The following SLC71A2 variants were observed in gnomAD, a reference collection of about 807,000 sequenced individuals.
The protein encoded by SLC71A2 is hippocampus abundant transcript-like 1.
chr9:94,460,621 G>C, the SLC71A2 span: 2 of 152,436 alleles, frequency 1.3e-5, no homozygotes, highest in African/African-American at 4.8e-5. Flanking sequence ...ACCTTTAACA[G>C]AGCACCCCTT....
chr9:94,408,307 AC>A, the SLC71A2 span, among the ~76,000 whole-genome samples: 1 of 152,180 alleles, frequency 6.6e-6, no homozygotes, highest in Admixed American at 6.5e-5. Flanking sequence ...TTGAGACTTA[AC>A]CCCTTTGTAA....
the SLC71A2 span, chr9:94,456,315 G>A: frequency 4.3e-6 from 7 of 1,613,964 alleles, no homozygotes; most frequent in Non-Finnish European, 5.9e-6. Flanking sequence ...TCGTCTCTCG[G>A]AATGCAGAGT....
At chr9:94,449,387 G>C in the SLC71A2 span, among the ~76,000 whole-genome samples, 111 of 152,256 alleles carry the variant, frequency 7.3e-4, no homozygotes, top group African/African-American at 2.6e-3. Flanking sequence ...AGACTTAATA[G>C]CATCTTACAA....
At chr9:94,452,065 C>A in the SLC71A2 span, among the ~76,000 whole-genome samples, 6 of 152,240 alleles carry the variant, frequency 3.9e-5, no homozygotes, top group Non-Finnish European at 7.3e-5. Flanking sequence ...ACTTTCCCTA[C>A]TTTTTAGAAT....
At chr9:94,432,653 G>C in the SLC71A2 span, 1 of 205,606 alleles carries the variant, frequency 4.9e-6, no homozygotes, top group East Asian at 1.4e-4. Context: ...TGCACATGAG[G>C]GGTGCAACCC....
At chr9:94,456,086 G>A in the SLC71A2 span, among the ~76,000 whole-genome samples, 1 of 151,370 alleles carries the variant, frequency 6.6e-6, no homozygotes, top group Non-Finnish European at 1.5e-5. Flanking sequence ...TAACCTTGTA[G>A]GTTAAAAAAA....
At chr9:94,439,772 C>G in the SLC71A2 span, among the ~76,000 whole-genome samples, 22 of 151,820 alleles carry the variant, frequency 1.4e-4, no homozygotes, top group African/African-American at 4.6e-4. Flanking sequence ...TTCTTTAGAT[C>G]TTATACATTT....
chr9:94,450,042 G>A, the SLC71A2 span, among the ~76,000 whole-genome samples: 25 of 152,296 alleles, frequency 1.6e-4, no homozygotes, highest in African/African-American at 5.3e-4. Context: ...TAGACTAACG[G>A]TTGGGGGATG....
the SLC71A2 span, among the ~76,000 whole-genome samples, chr9:94,448,294 T>A: frequency 6.6e-6 from 1 of 152,152 alleles, no homozygotes; most frequent in African/African-American, 2.4e-5. Context: ...TTTTACACTT[T>A]AAAAAAATTT....
the SLC71A2 span, among the ~76,000 whole-genome samples, chr9:94,412,322 TA>T: frequency 1.3e-5 from 2 of 152,244 alleles, no homozygotes; most frequent in Admixed American, 6.5e-5. Context: ...TAAGATGAAG[TA>T]TTTTTTTGAC....
At chr9:94,460,545 C>CA in the SLC71A2 span, 1 of 152,462 alleles carries the variant, frequency 6.6e-6, no homozygotes, top group Non-Finnish European at 1.5e-5. Context: ...GTTTTATGGA[C>CA]AAAGAAAACT....
At chr9:94,407,453 A>T in the SLC71A2 span, among the ~76,000 whole-genome samples, 16 of 150,014 alleles carry the variant, frequency 1.1e-4, no homozygotes, top group East Asian at 2.6e-3. Flanking sequence ...ATCTCAGCTC[A>T]CTGCAACCTC....
the SLC71A2 span, among the ~76,000 whole-genome samples, chr9:94,397,805 C>T: frequency 6.6e-6 from 1 of 152,078 alleles, no homozygotes; most frequent in East Asian, 1.9e-4. Context: ...GGGAAGAAGC[C>T]CATAGAGATG....
chr9:94,418,760 T>C, the SLC71A2 span, among the ~76,000 whole-genome samples: 1 of 138,282 alleles, frequency 7.2e-6, no homozygotes, highest in Middle Eastern at 3.4e-3. Flanking sequence ...TTTAATTCTT[T>C]TTTTTTTTTT....
At chr9:94,384,442 C>T in the SLC71A2 span, among the ~76,000 whole-genome samples, 6 of 151,136 alleles carry the variant, frequency 4.0e-5, no homozygotes, top group East Asian at 1.9e-4. Context: ...CAGGCTCAGG[C>T]GATCCTCCCA....
chr9:94,459,360 T>A, the SLC71A2 span: 1 of 1,614,084 alleles, frequency 6.2e-7, no homozygotes, highest in Non-Finnish European at 8.5e-7. Context: ...GACAGCAGCA[T>A]CTGGGAGCTC....
chr9:94,418,778 C>T, the SLC71A2 span, among the ~76,000 whole-genome samples: 40 of 139,052 alleles, frequency 2.9e-4, no homozygotes, highest in Admixed American at 7.4e-4. Flanking sequence ...TTTTTTTTCA[C>T]GAGTGGGGTC....
the SLC71A2 span, among the ~76,000 whole-genome samples, chr9:94,380,270 CAA>C: frequency 7.0e-6 from 1 of 143,502 alleles, no homozygotes; most frequent in Non-Finnish European, 1.5e-5. Flanking sequence ...GACTCTTTCT[CAA>C]AAAAAAAAAA....
the SLC71A2 span, among the ~76,000 whole-genome samples, chr9:94,456,928 C>T: frequency 6.6e-6 from 1 of 151,946 alleles, no homozygotes; most frequent in East Asian, 1.9e-4. Flanking sequence ...CTTGTCCTCC[C>T]TCCATCCCTT....
Sources: allele counts gnomAD v4.1 joint callset (sites outside exome capture counted in the v4.1 genomes callset), GRCh38; gene constraint gnomAD v4.1.1; transcripts MANE v1.5; gene names NCBI Gene and HGNC (gene_info 2026-07-23, HGNC 2026-07-21).